ARID1B: variants seen among roughly 807,000 people sequenced by gnomAD.
ARID1B encodes AT-rich interaction domain 1B.
ARID1B carries 30 observed loss-of-function variants against 212.3 expected under a neutral mutation model. That is an observed-to-expected ratio of 0.14 (90% confidence interval 0.11 to 0.19). ARID1B has a LOEUF of 0.19. ARID1B is among the 10% of genes least tolerant of loss of function. ARID1B has a pLI of 1.00. For missense variants in ARID1B, 2,891 were observed against 3,204.0 expected (o/e 0.90, Z 2.36); for synonymous variants, 1,402 against 1,301.7 (o/e 1.08, Z -1.66).
intron 2 of ARID1B, among the ~76,000 whole-genome samples, chr6:156,853,064 C>G (rs1358117479): frequency 1.3e-5 from 2 of 152,152 alleles, no homozygotes; most frequent in African/African-American, 4.8e-5. Flanking sequence ...ATCGGTTTGA[C>G]TGGTGGAATT....
chr6:156,922,015 C>T (rs1200220201), intron 3 of ARID1B, among the ~76,000 whole-genome samples: 9 of 152,134 alleles, frequency 5.9e-5, no homozygotes, highest in Admixed American at 5.2e-4. Context: ...CTTTACTTCA[C>T]TCTCTTTGGC....
intron 2 of ARID1B, among the ~76,000 whole-genome samples, chr6:156,868,880 C>T (rs1353119178): frequency 1.3e-5 from 2 of 152,014 alleles, no homozygotes; most frequent in Non-Finnish European, 2.9e-5. Flanking sequence ...CTTAACGGTA[C>T]TTTGTTTTGC....
intron 4 of ARID1B, among the ~76,000 whole-genome samples, chr6:157,078,165 G>A (rs375634564): frequency 3.7e-4 from 57 of 152,018 alleles, no homozygotes; most frequent in African/African-American, 1.2e-3. Context: ...ATGAAATGCC[G>A]CTAACAAGAT....
intron 16 of ARID1B, among the ~76,000 whole-genome samples, chr6:157,197,301 G>A (rs766814798): frequency 3.3e-5 from 5 of 152,258 alleles, no homozygotes; most frequent in Admixed American, 6.5e-5. Context: ...TCGGGATCGC[G>A]GCCTTCGGAA....
intron 9 of ARID1B, among the ~76,000 whole-genome samples, chr6:157,172,525 G>A (rs1402764887): frequency 6.6e-6 from 1 of 152,190 alleles, no homozygotes; most frequent in Non-Finnish European, 1.5e-5. Flanking sequence ...ATGCGCCCGT[G>A]GAAAAGACGG....
At chr6:156,857,188 A>G (rs1285369873) in intron 2 of ARID1B, among the ~76,000 whole-genome samples, 1 of 152,234 alleles carries the variant, frequency 6.6e-6, no homozygotes, top group African/African-American at 2.4e-5. Flanking sequence ...AGACGAGGAA[A>G]TTGAGGCTTA....
intron 2 of ARID1B, among the ~76,000 whole-genome samples, chr6:156,841,151 C>G (rs541591725): frequency 6.6e-6 from 1 of 152,204 alleles, no homozygotes; most frequent in Admixed American, 6.5e-5. Flanking sequence ...AGTGAGAGCA[C>G]AGTTCACATC....
At chr6:156,855,905 C>G (rs1380159389) in intron 2 of ARID1B, among the ~76,000 whole-genome samples, 1 of 152,088 alleles carries the variant, frequency 6.6e-6, no homozygotes, top group African/African-American at 2.4e-5. Flanking sequence ...GTTGAAATAC[C>G]AGTATGAGAA....
At chr6:156,841,176 G>C (rs1207430935) in intron 2 of ARID1B, among the ~76,000 whole-genome samples, 1 of 152,218 alleles carries the variant, frequency 6.6e-6, no homozygotes, top group African/African-American at 2.4e-5. Context: ...TTTGTGCTGG[G>C]ATCACGGAAA....
At chr6:156,925,635 A>G (rs1442927911) in intron 3 of ARID1B, among the ~76,000 whole-genome samples, 3 of 152,358 alleles carry the variant, frequency 2.0e-5, no homozygotes, top group African/African-American at 4.8e-5. Context: ...GTTTATTAGA[A>G]GGAATATGGC....
At chr6:157,133,253 A>C in intron 7 of ARID1B, 46 bp downstream of exon 7, 1 of 1,524,420 alleles carries the variant, frequency 6.6e-7, no homozygotes, top group Non-Finnish European at 8.8e-7. Context: ...AGTTGTAGAA[A>C]TTTTCTTAAT....
rs768938099 is a variant in ARID1B, at chr6:157,196,285, A to G, written c.4352A>G (p.Gln1451Arg). The G allele has an allele frequency of 1.2e-5, 20 of 1,602,774 alleles. 1 individual carries two copies. Among genetic ancestry groups the G allele is most frequent in the South Asian group, 2.3e-5 (2 of 88,608 alleles). ...AACCTGGGCATGGGGCAGCGCCAGC[A>G]GTTTCCCTATGGAGCCAGTTACGAC... ...MSNLGMGQRQ[Q>R]FPYGASYDRR... The change falls in exon 16 of 20, where the codon CAG becomes CGG. Residue 1451 changes from glutamine to arginine, a missense_variant. Physicochemically the swap from Gln to Arg is conservative, Grantham distance 43. Transcript: ENST00000636930.
intron 7 of ARID1B, among the ~76,000 whole-genome samples, chr6:157,146,550 A>AT (rs1310924150): frequency 1.3e-5 from 2 of 152,148 alleles, no homozygotes; most frequent in Admixed American, 1.3e-4. Context: ...TGCACTTTTC[A>AT]CATTGCATGC....
intron 6 of ARID1B, 142 bp from the exon 7 acceptor site, chr6:157,132,886 A>C: frequency 4.5e-6 from 4 of 887,098 alleles, no homozygotes; most frequent in Non-Finnish European, 6.6e-6. Context: ...CTGAACTGAG[A>C]TGTCTTTAGC....
intron 4 of ARID1B, chr6:157,023,840 G>A (rs944141732): frequency 1.1e-4 from 16 of 152,142 alleles, no homozygotes; most frequent in African/African-American, 3.9e-4. Flanking sequence ...TGCTCCCCTA[G>A]GTTTGCCAAA....
At chr6:157,088,501 C>T (rs569769232) in intron 5 of ARID1B, among the ~76,000 whole-genome samples, 1 of 152,246 alleles carries the variant, frequency 6.6e-6, no homozygotes, top group East Asian at 1.9e-4. Flanking sequence ...GCACCCTGTC[C>T]TTTCGAAGTT....
Position 157,198,814 on chromosome 6 carries a change from T to C in ARID1B, c.4386T>C (p.His1462=). The C allele has an allele frequency of 1.2e-6, 2 of 1,611,204 alleles. No individual in the cohort carries two copies. Among genetic ancestry groups the C allele is most frequent in the Non-Finnish European group, 1.7e-6 (2 of 1,178,508 alleles). The change falls in exon 17 of 20, where the codon CAT becomes CAC. Residue 1462 remains histidine (H), a synonymous_variant. Coordinates refer to ENST00000636930, the MANE Select transcript of ARID1B (RefSeq NM_001374828.1). ...FPYGASYDRR[H]EPYGQQYPGQ... is the part of the protein sequence containing the mutation. ...TTCTTTGAATGCCTCATTCCAGGCA[T>C]GAACCTTATGGGCAGCAGTATCCAG...
chr6:157,002,048 A>G (rs879375194), intron 4 of ARID1B, among the ~76,000 whole-genome samples: 10 of 152,232 alleles, frequency 6.6e-5, no homozygotes, highest in Admixed American at 3.3e-4. Context: ...TAGCTGGGAT[A>G]GTATATTTCA....
rs998069124 is a variant in ARID1B, at chr6:157,209,137, A to G, written c.*1246A>G. On this transcript the variant is annotated 3_prime_UTR_variant, in exon 20 of 20. Transcript: ENST00000636930. The stretch of plus-strand genomic sequence containing the variant: ...TCAAGATAATGTAGTTTAAAAAAAA[A>G]AAAAAGAAAAAAACTTGATGTAAAT... The G allele has an allele frequency of 2.6e-5, 6 of 230,696 alleles. No homozygotes were observed. Among genetic ancestry groups the G allele is most frequent in the South Asian group, 1.8e-4 (1 of 5,506 alleles). 14.3% of individuals were successfully genotyped at this position (230,696 alleles called of 1,614,324 possible).
Sources: gnomAD v4.1 joint callset for allele counts (sites outside exome capture counted in the v4.1 genomes callset) on GRCh38, gnomAD v4.1.1 for gene constraint, MANE v1.5 for transcripts, NCBI Gene and HGNC (gene_info 2026-07-23, HGNC 2026-07-21) for gene names.